CACNB2: variants seen among roughly 807,000 people sequenced by gnomAD.
The protein encoded by CACNB2 is voltage-dependent L-type calcium channel subunit beta-2.
A neutral mutation model predicts 73.3 loss-of-function variants in CACNB2; 42 were observed. The ratio of observed to expected loss-of-function variants is 0.57; its 90% CI spans 0.45 to 0.74. The LOEUF is 0.74. Among genes scored for constraint, CACNB2 ranks in the 30% least tolerant of loss-of-function variants. The pLI is 0.00. For synonymous variants in CACNB2, 348 were observed against 310.3 expected (o/e 1.12, Z -1.28); for missense variants, 940 against 853.0 (o/e 1.10, Z -1.27).
At chr10:18,284,420 T>C (rs1407281133) in intron 2 of CACNB2, among the ~76,000 whole-genome samples, 2 of 152,226 alleles carry the variant, frequency 1.3e-5, no homozygotes, top group Non-Finnish European at 2.9e-5. Flanking sequence ...ACGTAGTTGA[T>C]CTGTTTTCAA....
intron 2 of CACNB2, among the ~76,000 whole-genome samples, chr10:18,287,847 C>A (rs2038871500): frequency 6.6e-6 from 1 of 152,118 alleles, no homozygotes; most frequent in African/African-American, 2.4e-5. Context: ...GAGACCCTAT[C>A]TCAAAAACAA....
At position 18,539,587 on chromosome 10, in the gene CACNB2, C is replaced by G. The variant is rs950473679; in HGVS notation, c.1846C>G (p.Gln616Glu). 3 of 1,613,808 alleles carry G rather than the reference C, an allele frequency of 1.9e-6. No individual in the cohort carries two copies. The highest frequency in any genetic ancestry group is 2.5e-6 in the Non-Finnish European group (3 of 1,179,942). ...RHRSRDVDRE[Q>E]DHNECNKQRS... Reference sequence around the variant, plus strand: ...CCGTTCCCGGGACGTGGATCGAGAGCAGGACCACAACGAGTGCAACAAGCA... The same window carrying G: ...CCGTTCCCGGGACGTGGATCGAGAGGAGGACCACAACGAGTGCAACAAGCA... Residue 616 changes from glutamine (Q) to glutamate (E), a missense_variant, in exon 14 of 14, where the codon CAG (glutamine) becomes GAG (glutamate). Physicochemically the swap from Gln to Glu is conservative, Grantham distance 29 (BLOSUM62 2). Transcript: ENST00000324631.
intron 2 of CACNB2, among the ~76,000 whole-genome samples, chr10:18,199,941 C>CTGTG (rs141377460): frequency 0.14 from 18,570 of 136,270 alleles, 1,663 homozygotes; most frequent in African/African-American, 0.23. Flanking sequence ...GTATATGAAA[C>CTGTG]TGTGTGTGTG....
chr10:18,467,059 C>T (rs1407070681), intron 3 of CACNB2, among the ~76,000 whole-genome samples: 2 of 152,082 alleles, frequency 1.3e-5, no homozygotes, highest in Admixed American at 6.6e-5. Context: ...GAGGCTGAGG[C>T]AGGAGAATTG....
chr10:18,151,150 CTAAG>C, intron 2 of CACNB2, 175 bp downstream of exon 2: 1 of 558,080 alleles, frequency 1.8e-6, no homozygotes, highest in African/African-American at 1.9e-5. Flanking sequence ...TTAAGTGAGA[CTAAG>C]TAATAATTAC....
chr10:18,538,510 T>C, intron 13 of CACNB2, 145 bp downstream of exon 13: 1 of 674,360 alleles, frequency 1.5e-6, no homozygotes, highest in Non-Finnish European at 2.6e-6. Context: ...GCATGAGCTG[T>C]GTATGTACCT....
intron 9 of CACNB2, among the ~76,000 whole-genome samples, chr10:18,527,057 G>A (rs76553931): frequency 0.017 from 2,617 of 152,300 alleles, 29 homozygotes; most frequent in Non-Finnish European, 0.027. Flanking sequence ...TCTGACACTT[G>A]TAAGCAACAA....
At chr10:18,338,710 C>CTGCCT (rs2041106743) in intron 2 of CACNB2, among the ~76,000 whole-genome samples, 1 of 144,202 alleles carries the variant, frequency 6.9e-6, no homozygotes, top group Non-Finnish European at 1.5e-5. Context: ...TCCTGACTTC[C>CTGCCT]TGCCTTCCTG....
Position 18,183,604 on chromosome 10 carries a change from C to G in CACNB2, c.213+32629C>G, listed in dbSNP as rs374893283. Among the ~76,000 whole-genome samples, 102 of 152,212 alleles carry G rather than the reference C, an allele frequency of 6.7e-4. 1 individual carries two copies. In the South Asian group the frequency reaches 0.011, roughly 16 times the overall value. ...TATAAAACCATCAGATCTGGTGAGA[C>G]TTATTCAGTGTCATGAGAACAGCAT... On this transcript the variant is annotated intron_variant, in intron 2 of 13. Transcript: ENST00000324631.
intron 2 of CACNB2, among the ~76,000 whole-genome samples, chr10:18,281,502 T>C (rs368821238): frequency 6.6e-6 from 1 of 152,162 alleles, no homozygotes; most frequent in Non-Finnish European, 1.5e-5. Flanking sequence ...CCTCTTTCAG[T>C]AGGGACTCAT....
At chr10:18,395,422 A>T (rs944924206) in intron 2 of CACNB2, among the ~76,000 whole-genome samples, 2 of 151,982 alleles carry the variant, frequency 1.3e-5, no homozygotes, top group Non-Finnish European at 2.9e-5. Context: ...TGTCTCTCAT[A>T]GCCGTTATTT....
intron 2 of CACNB2, among the ~76,000 whole-genome samples, chr10:18,350,894 T>A (rs536605985): frequency 6.6e-6 from 1 of 152,342 alleles, no homozygotes; most frequent in Non-Finnish European, 1.5e-5. Context: ...TGTGGCCTTG[T>A]ACTCCTGAGC....
intron 3 of CACNB2, among the ~76,000 whole-genome samples, chr10:18,463,559 T>G (rs1589431751): frequency 1.3e-5 from 2 of 151,626 alleles, no homozygotes; most frequent in African/African-American, 4.8e-5. Context: ...GGATTGCAGG[T>G]GCACGCCACA....
chr10:18,301,443 A>G (rs897162864), intron 2 of CACNB2, among the ~76,000 whole-genome samples: 2 of 151,782 alleles, frequency 1.3e-5, no homozygotes, highest in Admixed American at 1.3e-4. Flanking sequence ...AAAAACACAA[A>G]AATTAGCGGG....
chr10:18,395,152 C>A (rs752832377), intron 2 of CACNB2, among the ~76,000 whole-genome samples: 4 of 152,072 alleles, frequency 2.6e-5, no homozygotes, highest in Non-Finnish European at 4.4e-5. Flanking sequence ...TTAAATAAAT[C>A]TTACTAAAAA....
chr10:18,524,366 A>G (rs1013196116), intron 9 of CACNB2, among the ~76,000 whole-genome samples: 7 of 152,142 alleles, frequency 4.6e-5, no homozygotes, highest in African/African-American at 1.7e-4. Flanking sequence ...AGAAATCAGT[A>G]ATCCTGAGGC....
chr10:18,247,819 T>C (rs2036927898), intron 2 of CACNB2, among the ~76,000 whole-genome samples: 1 of 152,210 alleles, frequency 6.6e-6, no homozygotes, highest in Non-Finnish European at 1.5e-5. Context: ...AGGACCACCT[T>C]TTCTGGGGTA....
chr10:18,208,905 C>G (rs2035207840), intron 2 of CACNB2, among the ~76,000 whole-genome samples: 1 of 152,068 alleles, frequency 6.6e-6, no homozygotes, highest in Non-Finnish European at 1.5e-5. Context: ...ACATATGAAC[C>G]CAGGGCGATG....
intron 2 of CACNB2, among the ~76,000 whole-genome samples, chr10:18,282,827 A>ATCTAATTAAAGAGCT (rs1480051373): frequency 7.2e-5 from 11 of 152,198 alleles, no homozygotes; most frequent in Admixed American, 5.2e-4. Flanking sequence ...GACAAATGGG[A>ATCTAATTAAAGAGCT]TCTAATTAAA....
Sources: allele counts gnomAD v4.1 joint callset (sites outside exome capture counted in the v4.1 genomes callset), GRCh38; gene constraint gnomAD v4.1.1; transcripts MANE v1.5; gene names NCBI Gene and HGNC (gene_info 2026-07-23, HGNC 2026-07-21).